ST3GAL1: variants seen among roughly 807,000 people sequenced by gnomAD.
ST3GAL1 encodes CMP-N-acetylneuraminate-beta-galactosamide-alpha-2,3-sialyltransferase 1.
In ST3GAL1, 16 loss-of-function variants were observed where a neutral mutation model predicts 34.1. That is an observed-to-expected ratio of 0.47 (90% CI 0.32 to 0.71). ST3GAL1 has a LOEUF of 0.71. Ranked by LOEUF, ST3GAL1 falls within the 30% of genes least tolerant of loss-of-function variation. The pLI is 0.04. For synonymous variants in ST3GAL1, 191 were observed against 184.7 expected (o/e 1.03, Z -0.28); for missense variants, 353 against 447.4 (o/e 0.79, Z 1.90).
chr8:133,540,185 T>A (rs1315965258), intron 2 of ST3GAL1, among the ~76,000 whole-genome samples: 2 of 152,076 alleles, frequency 1.3e-5, no homozygotes, highest in African/African-American at 4.8e-5. Context: ...TTTCAGATAC[T>A]CCAGAGTGCT....
chr8:133,562,209 C>CT (rs35234056), intron 1 of ST3GAL1, among the ~76,000 whole-genome samples: 1,513 of 113,240 alleles, frequency 0.013, 44 homozygotes, highest in African/African-American at 0.045. Flanking sequence ...GAATCCACAT[C>CT]TTTTTTTTTT....
Position 133,461,645 on chromosome 8 carries a change from T to C in ST3GAL1, c.849+230A>G, listed in dbSNP as rs1815509967. On this transcript the variant is annotated intron_variant, in intron 9 of 9. Coordinates refer to ENST00000522652, the MANE Select transcript of ST3GAL1 (RefSeq NM_173344.3). The surrounding 1 kb of genome is among the most constrained non-coding windows in gnomAD (Gnocchi z 4.7). Reference sequence around the variant, plus strand: ...TTCCACCACCACGGTCCTGGGCACTTACACAGAATGTGCCAGAACTATTGC... The same window carrying C: ...TTCCACCACCACGGTCCTGGGCACTCACACAGAATGTGCCAGAACTATTGC... 6.6e-6 allele frequency among the ~76,000 whole-genome samples: 1 copy of C among 152,200 alleles called. No homozygotes were observed. Among genetic ancestry groups the C allele is most frequent in the African/African-American group, 2.4e-5 (1 of 41,460 alleles).
chr8:133,495,086 T>C (rs1325405398), intron 3 of ST3GAL1, among the ~76,000 whole-genome samples: 4 of 151,908 alleles, frequency 2.6e-5, no homozygotes, highest in Non-Finnish European at 5.9e-5. Flanking sequence ...GCCCAGCTAA[T>C]TTTTTGTGTT....
intron 3 of ST3GAL1, among the ~76,000 whole-genome samples, chr8:133,497,494 G>A (rs1457148043): frequency 6.8e-5 from 8 of 116,970 alleles, no homozygotes; most frequent in South Asian, 2.8e-4. Context: ...TTTGTGAGAC[G>A]GAGTCTCGCT....
chr8:133,462,039 A>G (rs745836193), intron 8 of ST3GAL1, 45 bp from the exon 9 acceptor site: 1 of 1,612,622 alleles, frequency 6.2e-7, no homozygotes, highest in Non-Finnish European at 8.5e-7. Context: ...TCTGGGGGGC[A>G]AAGGACATGG....
chr8:133,542,190 A>T (rs565754981), intron 2 of ST3GAL1, among the ~76,000 whole-genome samples: 18 of 152,318 alleles, frequency 1.2e-4, no homozygotes, highest in Admixed American at 9.8e-4. Context: ...AGAAACAGTG[A>T]GCACACCTAG....
At chr8:133,539,209 C>T (rs568924821) in intron 2 of ST3GAL1, among the ~76,000 whole-genome samples, 51 of 152,322 alleles carry the variant, frequency 3.3e-4, no homozygotes, top group African/African-American at 1.0e-3. Context: ...CCAAGAAGAA[C>T]GAAGTTCTTT....
intron 1 of ST3GAL1, among the ~76,000 whole-genome samples, chr8:133,566,691 G>T (rs1819411991): frequency 6.6e-6 from 1 of 152,152 alleles, no homozygotes; most frequent in South Asian, 2.1e-4. Flanking sequence ...TCCCAAATCA[G>T]CTATGAAAAT....
chr8:133,480,686 C>T (rs1816347025), intron 3 of ST3GAL1, among the ~76,000 whole-genome samples: 1 of 152,212 alleles, frequency 6.6e-6, no homozygotes, highest in African/African-American at 2.4e-5. Flanking sequence ...TCCAAGGTCA[C>T]ACAGCAAAAT....
chr8:133,474,838 C>T (rs975432657), intron 5 of ST3GAL1, among the ~76,000 whole-genome samples: 6 of 152,202 alleles, frequency 3.9e-5, no homozygotes, highest in African/African-American at 1.4e-4. Context: ...TGACAAACCT[C>T]ATTGGATCTG....
chr8:133,489,284 C>T (rs760074313), intron 3 of ST3GAL1, among the ~76,000 whole-genome samples: 19 of 152,292 alleles, frequency 1.2e-4, no homozygotes, highest in East Asian at 1.9e-4. Context: ...CAGGTGACCC[C>T]GCAGACCTAA....
rs2130915197 is a variant in ST3GAL1 at position 133,461,724 on chromosome 8, A to T, written c.849+151T>A. On this transcript the variant is annotated intron_variant, in intron 9 of 9. Transcript: ENST00000522652. This position sits in a 1 kb window ranked among gnomAD's most constrained non-coding sequence, Gnocchi z 4.7. ...TACTCACTAAAACACCCTGGGAGAC[A>T]CATGTTGCAAGTCCTGTCGTAGAGA... The T allele has an allele frequency of 9.2e-7, 1 of 1,089,108 alleles. No homozygotes were observed. Among genetic ancestry groups the T allele is most frequent in the East Asian group, 2.4e-5 (1 of 41,408 alleles). 67.5% of individuals were successfully genotyped at this position (1,089,108 alleles called of 1,614,324 possible).
intron 1 of ST3GAL1, among the ~76,000 whole-genome samples, chr8:133,557,391 G>A (rs748075688): frequency 6.6e-6 from 1 of 152,154 alleles, no homozygotes; most frequent in Non-Finnish European, 1.5e-5. Context: ...GGGCACAGAA[G>A]GCATGTTCTC....
chr8:133,526,608 G>C (rs1817982759), intron 2 of ST3GAL1, among the ~76,000 whole-genome samples: 1 of 152,092 alleles, frequency 6.6e-6, no homozygotes, highest in South Asian at 2.1e-4. Context: ...GAGACTTTTA[G>C]GCAACAGAGA....
At chr8:133,555,836 T>A (rs1818997496) in intron 1 of ST3GAL1, among the ~76,000 whole-genome samples, 1 of 152,082 alleles carries the variant, frequency 6.6e-6, no homozygotes, top group South Asian at 2.1e-4. Context: ...ATCTCTTCTC[T>A]GGGGCTGTTC....
chr8:133,560,442 G>C (rs982400853), intron 1 of ST3GAL1, among the ~76,000 whole-genome samples: 4 of 152,252 alleles, frequency 2.6e-5, no homozygotes, highest in African/African-American at 9.6e-5. Context: ...CTCACCCAGT[G>C]ATGGTGAATC....
At chr8:133,500,736 G>A (rs183039946) in intron 2 of ST3GAL1, among the ~76,000 whole-genome samples, 14 of 152,218 alleles carry the variant, frequency 9.2e-5, no homozygotes, top group Middle Eastern at 3.4e-3. Context: ...TATGAAGTGC[G>A]TAAAGCATGC....
intron 3 of ST3GAL1, among the ~76,000 whole-genome samples, chr8:133,486,565 AG>A (rs1816609072): frequency 6.6e-6 from 1 of 152,210 alleles, no homozygotes; most frequent in Non-Finnish European, 1.5e-5. Context: ...CAAGAGAAAC[AG>A]GGCCACAGTG....
At chr8:133,475,496 GA>G (rs1429592469) in intron 5 of ST3GAL1, among the ~76,000 whole-genome samples, 1 of 152,234 alleles carries the variant, frequency 6.6e-6, no homozygotes, top group Non-Finnish European at 1.5e-5. Context: ...ACAATAATCT[GA>G]ATCCTACTAA....
Sources: allele counts gnomAD v4.1 joint callset (sites outside exome capture counted in the v4.1 genomes callset), GRCh38; gene constraint gnomAD v4.1.1; non-coding constraint Gnocchi (gnomAD v3.1); transcripts MANE v1.5; gene names NCBI Gene and HGNC (gene_info 2026-07-23, HGNC 2026-07-21).